GLB1: variants seen among roughly 807,000 people sequenced by gnomAD.
The protein encoded by GLB1 is galactosidase beta 1.
Under a neutral mutation model 74.0 loss-of-function variants are expected in GLB1, and 56 were observed. The ratio of observed to expected loss-of-function variants is 0.76; its 90% CI spans 0.61 to 0.94. The LOEUF is 0.94. GLB1 is among the 40% of genes least tolerant of loss of function. The pLI is 0.00. For synonymous variants in GLB1, 323 were observed against 323.6 expected, an observed-to-expected ratio of 1.00 and a Z score of 0.02; for missense variants, 787 against 845.5, an observed-to-expected ratio of 0.93 and a Z score of 0.86.
At chr3:32,991,237 G>A in the GLB1 span, among the ~76,000 whole-genome samples, 7 of 152,042 alleles carry the variant, frequency 4.6e-5, no homozygotes, top group Non-Finnish European at 7.4e-5. Flanking sequence ...CCGGGGCCTG[G>A]CAATTTGCAA....
chr3:32,982,980 C>T, the GLB1 span, among the ~76,000 whole-genome samples: 16,386 of 152,112 alleles, frequency 0.11, 1,125 homozygotes, highest in African/African-American at 0.2. Flanking sequence ...TTTGAGTCTA[C>T]TGCCACTCCC....
intron 1 of GLB1, chr3:33,092,135 C>T (rs993006570): frequency 1.0e-4 from 101 of 985,344 alleles, no homozygotes; most frequent in Non-Finnish European, 1.1e-4. Context: ...TCACCATCAC[C>T]GACCATGGCG....
chr3:33,014,921 C>A (rs1483731323), intron 14 of GLB1, among the ~76,000 whole-genome samples: 1 of 152,086 alleles, frequency 6.6e-6, no homozygotes, highest in African/African-American at 2.4e-5. Flanking sequence ...GAGCTGAGAT[C>A]GCGCCACTGT....
chr3:33,024,182 C>G, intron 11 of GLB1, 69 bp downstream of exon 11: 1 of 1,508,982 alleles, frequency 6.6e-7, no homozygotes, highest in East Asian at 2.3e-5. Context: ...CTTTCACTCA[C>G]TGCTACTAAA....
intron 10 of GLB1, chr3:33,030,767 A>C: frequency 1.0e-6 from 1 of 985,444 alleles, no homozygotes; most frequent in Non-Finnish European, 1.2e-6. Context: ...TTCTACAGTG[A>C]CCCATTTCCA....
intron 10 of GLB1, among the ~76,000 whole-genome samples, chr3:33,036,686 A>C (rs1399124683): frequency 6.7e-6 from 1 of 149,586 alleles, no homozygotes; most frequent in Non-Finnish European, 1.5e-5. Flanking sequence ...ATACAATGGA[A>C]TATTAAGCCA....
At chr3:32,984,491 A>G in the GLB1 span, among the ~76,000 whole-genome samples, 7 of 152,198 alleles carry the variant, frequency 4.6e-5, no homozygotes, top group Admixed American at 3.9e-4. Context: ...ATAAAATGCA[A>G]AAGTGGCTGG....
intron 10 of GLB1, 28 bp downstream of exon 10, chr3:33,046,092 C>T (rs1235371235): frequency 1.2e-6 from 2 of 1,608,944 alleles, no homozygotes; most frequent in South Asian, 1.1e-5. Context: ...CCAAGATCAG[C>T]CCACCACAGC....
Position 33,046,282 on chromosome 3 carries a change from G to A in GLB1, c.956-50C>T, listed in dbSNP as rs1433309936. 5 of 1,606,462 alleles carry A rather than the reference G, an allele frequency of 3.1e-6. No individual in the cohort carries two copies. In the African/African-American group the frequency reaches 4.0e-5, roughly 13 times the overall value. ...GTTATTACTGATGGTGCAGCTCTGG[G>A]ACAAGTTCTTTGGGATCCATGAGCT... On this transcript the variant is annotated intron_variant, in intron 9 of 15. Coordinates refer to ENST00000307363, the MANE Select transcript of GLB1 (RefSeq NM_000404.4).
rs747783316 is a variant in GLB1, at chr3:33,093,143, A to G, written c.75+3868T>C. 2 of 1,614,184 alleles carry G rather than the reference A, an allele frequency of 1.2e-6. No homozygotes were observed. The highest frequency in any genetic ancestry group is 1.7e-6 in the Non-Finnish European group (2 of 1,180,028). ...GGCTGCAGCCCTCCAGGGCCTTGTC[A>G]AGATCCATGCCATGGCCAGAGTAGT... On this transcript the variant is annotated intron_variant, in intron 1 of 15. Transcript: ENST00000307363. The surrounding 1 kb of genome is among the most constrained non-coding windows in gnomAD (Gnocchi z 6.0).
chr3:33,054,200 G>A (rs1699122530), intron 6 of GLB1, among the ~76,000 whole-genome samples: 1 of 152,068 alleles, frequency 6.6e-6, no homozygotes, highest in Non-Finnish European at 1.5e-5. Context: ...CTAGAACTGT[G>A]AGCAATAAAT....
At chr3:33,074,303 C>T (rs1047377310) in intron 1 of GLB1, among the ~76,000 whole-genome samples, 1 of 133,898 alleles carries the variant, frequency 7.5e-6, no homozygotes, top group Admixed American at 8.1e-5. Flanking sequence ...AGCGAGACTC[C>T]GTCAAAAGAA....
intron 6 of GLB1, among the ~76,000 whole-genome samples, chr3:33,057,012 CTCATG>C (rs1404860069): frequency 6.6e-6 from 1 of 152,186 alleles, no homozygotes; most frequent in Non-Finnish European, 1.5e-5. Flanking sequence ...CCCACCAAAT[CTCATG>C]TCGAACTATA....
chr3:33,027,018 A>G (rs1218111553), intron 10 of GLB1, among the ~76,000 whole-genome samples: 2 of 152,270 alleles, frequency 1.3e-5, no homozygotes, highest in Non-Finnish European at 2.9e-5. Context: ...AATAGGGCTG[A>G]AACATGCCCC....
At chr3:33,061,321 C>T (rs72856135) in intron 5 of GLB1, among the ~76,000 whole-genome samples, 12,762 of 152,038 alleles carry the variant, frequency 0.084, 1,696 homozygotes, top group African/African-American at 0.29. Context: ...GGCTCAGGTG[C>T]GAGAATTGCT....
intron 15 of GLB1, 85 bp from the exon 16 acceptor site, chr3:32,997,429 A>C: frequency 6.3e-7 from 1 of 1,582,134 alleles, no homozygotes; most frequent in Non-Finnish European, 8.6e-7. Context: ...AGGGCAGGCC[A>C]GCAGCAATGG....
the GLB1 span, among the ~76,000 whole-genome samples, chr3:32,966,879 G>A: frequency 6.6e-6 from 1 of 152,106 alleles, no homozygotes; most frequent in East Asian, 1.9e-4. Context: ...CATGTAAGAC[G>A]TGCCTTTGCT....
Position 33,051,918 on chromosome 3 carries a change from G to A in GLB1, c.879C>T (p.Leu293=), listed in dbSNP as rs1445139978. The part of the protein sequence containing the change: ...TIKTEAVASS[L]YDILARGASV... ...TCGCCCCACGGGCAAGTATATCATAGAGGGAGGAAGCCACTGCTTCGGTCT... is the reference window on the plus strand; with the variant it reads ...TCGCCCCACGGGCAAGTATATCATAAAGGGAGGAAGCCACTGCTTCGGTCT... The change falls in exon 8 of 16, where the codon CTC becomes CTT. Residue 293 remains leucine (L), a synonymous_variant. Coordinates refer to ENST00000307363, the MANE Select transcript of GLB1 (RefSeq NM_000404.4). 2 of 1,614,248 alleles carry A rather than the reference G, an allele frequency of 1.2e-6. No homozygotes were observed. The highest frequency in any genetic ancestry group is 1.7e-5 in the Admixed American group (1 of 60,030).
At position 33,028,176 on chromosome 3, in the gene GLB1, T is replaced by G. The variant is rs976753786; in HGVS notation, c.1069-3851A>C. On this transcript the variant is annotated intron_variant, in intron 10 of 15. Transcript: ENST00000307363. ...ACCTTGGCCTACCAAAGTGCTGGAA[T>G]TACAGGTGTGAGCTACCACGCCCAG... 1.1e-3 allele frequency among the ~76,000 whole-genome samples: 164 copies of G among 152,324 alleles called. 2 individuals carry two copies. The highest frequency in any genetic ancestry group is 3.8e-3 in the African/African-American group (159 of 41,560).
Sources: gnomAD v4.1 joint callset for allele counts (sites outside exome capture counted in the v4.1 genomes callset) on GRCh38, gnomAD v4.1.1 for gene constraint, Gnocchi (gnomAD v3.1) non-coding constraint, MANE v1.5 for transcripts, NCBI Gene and HGNC (gene_info 2026-07-23, HGNC 2026-07-21) for gene names.